The following OR1F1 variants were observed in gnomAD, a reference collection of about 807,000 sequenced individuals.
The protein encoded by OR1F1 is olfactory receptor family 1 subfamily F member 1.
For synonymous variants in OR1F1, 184 were observed against 156.7 expected, an observed-to-expected ratio of 1.17 and a Z score of -1.30; for missense variants, 493 against 376.3, an observed-to-expected ratio of 1.31 and a Z score of -2.57.
chr16:3,199,368 C>G (rs1284275285), upstream of OR1F1, among the ~76,000 whole-genome samples: 2 of 151,734 alleles, frequency 1.3e-5, no homozygotes, highest in Non-Finnish European at 2.9e-5. Flanking sequence ...AATAGCTGGG[C>G]ACAGTGTCTC....
At chr16:3,195,356 T>A in the OR1F1 span, among the ~76,000 whole-genome samples, 1 of 152,190 alleles carries the variant, frequency 6.6e-6, no homozygotes, top group African/African-American at 2.4e-5. Flanking sequence ...CCGCGACTTG[T>A]GTGCGGGTTA....
At chr16:3,194,501 G>T in the OR1F1 span, among the ~76,000 whole-genome samples, 58 of 152,018 alleles carry the variant, frequency 3.8e-4, no homozygotes, top group African/African-American at 1.4e-3. Context: ...AGAAAAGAAC[G>T]TTCAATCTAT....
upstream of OR1F1, among the ~76,000 whole-genome samples, chr16:3,199,699 C>A (rs2141588073): frequency 6.6e-6 from 1 of 152,228 alleles, no homozygotes; most frequent in African/African-American, 2.4e-5. Flanking sequence ...AGAGTAACTT[C>A]TTGCAAAAGA....
chr16:3,194,611 A>T, the OR1F1 span, among the ~76,000 whole-genome samples: 34,813 of 152,148 alleles, frequency 0.23, 5,916 homozygotes, highest in African/African-American at 0.47. Flanking sequence ...ATCAGTGCCA[A>T]AGGCTCTTGG....
At chr16:3,203,227 G>A (rs1234069321), upstream of OR1F1, among the ~76,000 whole-genome samples, 1 of 152,158 alleles carries the variant, frequency 6.6e-6, no homozygotes, top group African/African-American at 2.4e-5. Context: ...AGGCTCTCAG[G>A]GAATATGACC....
upstream of OR1F1, among the ~76,000 whole-genome samples, chr16:3,200,241 T>A (rs996292410): frequency 2.6e-5 from 4 of 152,098 alleles, no homozygotes; most frequent in African/African-American, 9.7e-5. Flanking sequence ...GCTGTAGCTG[T>A]GAATGCTTGT....
the OR1F1 span, among the ~76,000 whole-genome samples, chr16:3,197,989 AGGAGAGGGAGAAGGAGAG>A: frequency 2.2e-4 from 1 of 4,582 alleles, no homozygotes; most frequent in Non-Finnish European, 4.6e-4. Context: ...GAGAGGGAGA[AGGAGAGGGAGAAGGAGAG>A]GGAGAGGGAG....
downstream of OR1F1, chr16:3,205,321 T>C (rs1318690596): frequency 1.3e-5 from 9 of 672,172 alleles, no homozygotes; most frequent in Non-Finnish European, 4.9e-6. Context: ...AACTATTAAT[T>C]ATAATTTTTT....
upstream of OR1F1, among the ~76,000 whole-genome samples, chr16:3,200,467 C>A (rs1234931734): frequency 6.6e-6 from 1 of 151,992 alleles, no homozygotes; most frequent in Non-Finnish European, 1.5e-5. Context: ...ATTAGCCGGA[C>A]ATGGCAGTGC....
chr16:3,197,753 GGGAGAAGGAGAA>G, the OR1F1 span, among the ~76,000 whole-genome samples: 1 of 86,048 alleles, frequency 1.2e-5, no homozygotes, highest in African/African-American at 4.7e-5. Context: ...GAGAGGGAGA[GGGAGAAGGAGAA>G]AGAGAGGGAG....
At chr16:3,204,319 C>G (rs560268759) in exon 1 of OR1F1, 1 of 1,614,154 alleles carries the variant, frequency 6.2e-7, no homozygotes, top group East Asian at 2.2e-5. Flanking sequence ...CCAGCAGCAG[C>G]ATCTCCTCTT....
chr16:3,191,202 C>G, the OR1F1 span: 1 of 152,148 alleles, frequency 6.6e-6, no homozygotes, highest in Non-Finnish European at 1.5e-5. Context: ...CTTTTAGGTG[C>G]GTGCAGTGTG....
At chr16:3,204,398 T>C (rs1958174755) in exon 1 of OR1F1, 3 of 1,613,982 alleles carry the variant, frequency 1.9e-6, no homozygotes, top group Non-Finnish European at 2.5e-6. Flanking sequence ...TCCGTAAGCA[T>C]AGACTCCTGC....
At chr16:3,200,067 C>T (rs961554874), upstream of OR1F1, among the ~76,000 whole-genome samples, 1 of 151,790 alleles carries the variant, frequency 6.6e-6, no homozygotes, top group Non-Finnish European at 1.5e-5. Flanking sequence ...GACAGTACAC[C>T]CTGAGAGAGA....
chr16:3,198,781 C>T, the OR1F1 span, among the ~76,000 whole-genome samples: 6 of 151,376 alleles, frequency 4.0e-5, no homozygotes, highest in South Asian at 2.1e-4. Flanking sequence ...TAAGCCCAAG[C>T]GTTCAAGATC....
At chr16:3,206,327 C>A (rs1324942035), downstream of OR1F1, among the ~76,000 whole-genome samples, 1 of 152,186 alleles carries the variant, frequency 6.6e-6, no homozygotes, top group African/African-American at 2.4e-5. Flanking sequence ...TGAACATAGA[C>A]CCTTATCTGG....
At chr16:3,188,270 G>A in the OR1F1 span, 1 of 151,946 alleles carries the variant, frequency 6.6e-6, no homozygotes. Context: ...GACCTCCCGG[G>A]GTCCCGGGAC....
chr16:3,204,883 TG>T lies in OR1F1; in HGVS notation c.638del (p.Cys213SerfsTer14). On this transcript the variant is annotated frameshift_variant, in exon 1 of 1. Coordinates refer to ENST00000304646, the Ensembl canonical transcript of OR1F1. LOFTEE classifies it low-confidence loss of function (END_TRUNC). ...CCTGGTCATGATCACCCCATTTCTT[TG>T]CATCCTGGCTTCTTATATGCACATC... 6 of 1,614,176 alleles carry T rather than the reference TG, an allele frequency of 3.7e-6. No individual in the cohort carries two copies. The highest frequency in any genetic ancestry group is 5.1e-6 in the Non-Finnish European group (6 of 1,180,034).
the OR1F1 span, among the ~76,000 whole-genome samples, chr16:3,194,641 G>T: frequency 6.6e-6 from 1 of 152,160 alleles, no homozygotes; most frequent in African/African-American, 2.4e-5. Flanking sequence ...CAGAGGAGAG[G>T]AGGGGAGAAA....
Sources: gnomAD v4.1 joint callset for allele counts (sites outside exome capture counted in the v4.1 genomes callset) on GRCh38, gnomAD v4.1.1 for gene constraint, MANE v1.5 for transcripts, NCBI Gene and HGNC (gene_info 2026-07-23, HGNC 2026-07-21) for gene names.